PALS1: variants seen among roughly 807,000 people sequenced by gnomAD.
The protein encoded by PALS1 is protein associated with LIN7 1, MAGUK p55 family member.
In PALS1, 31 loss-of-function variants were observed where a neutral mutation model predicts 78.9. The observed-to-expected ratio is 0.39, with a 90% CI of 0.30 to 0.53. The LOEUF is 0.53. PALS1 is among the 20% of genes least tolerant of loss of function. PALS1 has a pLI of 0.67. For missense variants in PALS1, 704 were observed against 826.5 expected, an observed-to-expected ratio of 0.85 and a Z score of 1.82; for synonymous variants, 276 against 270.9, an observed-to-expected ratio of 1.02 and a Z score of -0.18.
intron 14 of PALS1, among the ~76,000 whole-genome samples, chr14:67,331,264 C>T (rs1239154730): frequency 6.6e-6 from 1 of 152,134 alleles, no homozygotes; most frequent in Non-Finnish European, 1.5e-5. Context: ...AGGCTGGTCT[C>T]AAGCTCCCGG....
chr14:67,316,381 A>G lies in PALS1; in HGVS notation c.1226-451A>G, dbSNP rs552252284. Among the ~76,000 whole-genome samples the G allele has an allele frequency of 3.3e-5, 5 of 152,304 alleles. 1 individual carries two copies. The South Asian group carries it at 1.0e-3, about 32-fold the overall frequency. ...AATTGAGAATAATGCATGCAAGGGA[A>G]TATACTGAATGGTTTCTTGGAATTG... On this transcript the variant is annotated intron_variant, in intron 9 of 14. Coordinates refer to ENST00000261681, the MANE Select transcript of PALS1 (RefSeq NM_022474.4).
At chr14:67,284,984 C>T (rs1301081485) in intron 3 of PALS1, among the ~76,000 whole-genome samples, 1 of 152,002 alleles carries the variant, frequency 6.6e-6, no homozygotes, top group East Asian at 1.9e-4. Context: ...CTCCTGGCCT[C>T]AAGTGATCCT....
chr14:67,283,210 C>G (rs939908039), intron 3 of PALS1, among the ~76,000 whole-genome samples: 1 of 152,048 alleles, frequency 6.6e-6, no homozygotes, highest in Non-Finnish European at 1.5e-5. Flanking sequence ...AGCTAAAGAA[C>G]AAAATATTTT....
At chr14:67,325,961 A>G (rs1595620175) in intron 14 of PALS1, among the ~76,000 whole-genome samples, 1 of 145,674 alleles carries the variant, frequency 6.9e-6, no homozygotes, top group Non-Finnish European at 1.5e-5. Flanking sequence ...GGCACCTGCC[A>G]CCACACCCGG....
chr14:67,260,147 G>A (rs1442957812), intron 1 of PALS1, among the ~76,000 whole-genome samples: 1 of 152,122 alleles, frequency 6.6e-6, no homozygotes, highest in African/African-American at 2.4e-5. Context: ...ATAAATTTTA[G>A]GTTTAAGCGC....
intron 1 of PALS1, among the ~76,000 whole-genome samples, chr14:67,252,697 T>C (rs1401722945): frequency 6.6e-6 from 1 of 152,236 alleles, no homozygotes; most frequent in Admixed American, 6.5e-5. Context: ...GACCCACACA[T>C]TTGATGTCAT....
chr14:67,275,668 A>T (rs1371647918), intron 2 of PALS1, among the ~76,000 whole-genome samples: 1 of 151,950 alleles, frequency 6.6e-6, no homozygotes, highest in African/African-American at 2.4e-5. Flanking sequence ...CTCTTTTTCT[A>T]TTGATTGCAA....
intron 2 of PALS1, among the ~76,000 whole-genome samples, chr14:67,273,109 ATTTC>A (rs1471936828): frequency 2.2e-5 from 3 of 138,088 alleles, no homozygotes; most frequent in Non-Finnish European, 3.0e-5. Flanking sequence ...TAGGAGTGAT[ATTTC>A]TTTCTTTTTT....
At chr14:67,298,122 T>C (rs917817500) in intron 4 of PALS1, among the ~76,000 whole-genome samples, 10 of 152,140 alleles carry the variant, frequency 6.6e-5, no homozygotes, top group African/African-American at 1.9e-4. Context: ...TGATGGTCCT[T>C]AGATTTAATA....
chr14:67,333,204 C>T lies in PALS1; in HGVS notation c.*248C>T. ...TTTTGGGATTCTAAATGGAAGCTTT[C>T]AACAGAGCATTCCATTTTGTCCTGT... is the stretch of plus-strand genomic sequence containing the variant. On this transcript the variant is annotated 3_prime_UTR_variant, in exon 15 of 15. Coordinates refer to ENST00000261681, the MANE Select transcript of PALS1 (RefSeq NM_022474.4). 2.9e-6 allele frequency: 1 copy of T among 346,734 alleles called. No homozygotes were observed. Among genetic ancestry groups the T allele is most frequent in the South Asian group, 7.9e-5 (1 of 12,600 alleles). The allele number at this position is 346,734 out of a possible 1,614,324, so 21.5% of individuals were successfully genotyped here. A position where few individuals can be genotyped will look rare whatever the true frequency, so the allele number is the denominator to read the frequency against.
At chr14:67,276,298 T>G (rs779466819) in intron 2 of PALS1, among the ~76,000 whole-genome samples, 1 of 152,204 alleles carries the variant, frequency 6.6e-6, no homozygotes, top group Non-Finnish European at 1.5e-5. Context: ...TCCAGCTTTA[T>G]TGTATTCTAT....
At chr14:67,323,585 G>T in intron 13 of PALS1, 117 bp from the exon 14 acceptor site, 1 of 272,538 alleles carries the variant, frequency 3.7e-6, no homozygotes, top group Non-Finnish European at 6.7e-6. Context: ...CTGCACTCTA[G>T]CCTAGGCAAC....
intron 3 of PALS1, among the ~76,000 whole-genome samples, chr14:67,284,561 A>C (rs1219328378): frequency 3.0e-5 from 4 of 133,992 alleles, no homozygotes; most frequent in African/African-American, 2.8e-5. Context: ...AAAAAAAAAA[A>C]AAAAAAAAAA....
intron 3 of PALS1, among the ~76,000 whole-genome samples, chr14:67,281,509 ATTAT>A (rs558484697): frequency 6.6e-5 from 10 of 152,038 alleles, no homozygotes; most frequent in African/African-American, 2.2e-4. Flanking sequence ...CCACTCTATT[ATTAT>A]TTATTTATTT....
chr14:67,303,659 C>G (rs2084960453), intron 8 of PALS1, 60 bp downstream of exon 8: 1 of 1,155,580 alleles, frequency 8.7e-7, no homozygotes, highest in Non-Finnish European at 1.3e-6. Flanking sequence ...ACTTCTGTTA[C>G]TGTTTACTGT....
intron 1 of PALS1, chr14:67,254,451 C>T (rs545736974): frequency 6.6e-6 from 1 of 152,240 alleles, no homozygotes; most frequent in African/African-American, 2.4e-5. Context: ...AAAATCAGAG[C>T]ATTACTCATA....
chr14:67,302,419 G>A lies in PALS1; in HGVS notation c.811G>A (p.Val271Ile), dbSNP rs773121119. The A allele has an allele frequency of 1.3e-6, 2 of 1,588,154 alleles. No homozygotes were observed. Among genetic ancestry groups the A allele is most frequent in the Non-Finnish European group, 1.7e-6 (2 of 1,166,100 alleles). Residue 271 changes from valine (V) to isoleucine (I), a missense_variant, in exon 7 of 15, where the codon GTT (valine) becomes ATT (isoleucine). Physicochemically the swap from Val to Ile is conservative, Grantham distance 29. Coordinates refer to ENST00000261681, the MANE Select transcript of PALS1 (RefSeq NM_022474.4). ...ATATATATATTTTTAGGGTGCTACA[G>A]TTCGTAATGAAATGGACTCTGTCAT... ...KARDIPLGAT[V>I]RNEMDSVIIS...
chr14:67,267,115 CAAAT>C (rs575119549), intron 1 of PALS1, among the ~76,000 whole-genome samples: 1 of 151,912 alleles, frequency 6.6e-6, no homozygotes, highest in East Asian at 1.9e-4. Flanking sequence ...CTCAAACAAA[CAAAT>C]AAATAAATAA....
intron 2 of PALS1, chr14:67,270,435 A>T (rs1567511482): frequency 1.3e-5 from 2 of 148,904 alleles, no homozygotes; most frequent in East Asian, 3.9e-4. Context: ...TTTCTTTCTT[A>T]TTTTTTTTTT....
Sources: allele counts gnomAD v4.1 joint callset (sites outside exome capture counted in the v4.1 genomes callset), GRCh38; gene constraint gnomAD v4.1.1; transcripts MANE v1.5; gene names NCBI Gene and HGNC (gene_info 2026-07-23, HGNC 2026-07-21).